CDH12: variants seen among roughly 807,000 people sequenced by gnomAD.
The protein encoded by CDH12 is cadherin-12.
CDH12 carries 41 observed loss-of-function variants against 74.1 expected under a neutral mutation model. That is an observed-to-expected ratio of 0.55 (90% CI 0.43 to 0.72). CDH12 has a LOEUF of 0.72. Among genes scored for constraint, CDH12 ranks in the 30% least tolerant of loss-of-function variants. The pLI is 0.00. For missense variants in CDH12, 945 were observed against 977.2 expected (o/e 0.97, Z 0.44); for synonymous variants, 399 against 355.0 (o/e 1.12, Z -1.39).
intron 1 of CDH12, among the ~76,000 whole-genome samples, chr5:22,558,575 G>A (rs748932941): frequency 2.0e-5 from 3 of 151,764 alleles, no homozygotes; most frequent in Non-Finnish European, 4.4e-5. Context: ...TAGGAAAGAG[G>A]CAACATAAAG....
At chr5:22,434,946 T>A (rs1205587159) in intron 2 of CDH12, among the ~76,000 whole-genome samples, 1 of 152,150 alleles carries the variant, frequency 6.6e-6, no homozygotes, top group Non-Finnish European at 1.5e-5. Context: ...ACATCTTGCT[T>A]CTAACCTCCA....
rs1744051915 is a variant in CDH12 at position 21,751,583 on chromosome 5, A to G, written c.*154T>C. On this transcript the variant is annotated 3_prime_UTR_variant, in exon 15 of 15. Coordinates refer to ENST00000382254, the MANE Select transcript of CDH12 (RefSeq NM_004061.5). ...TTAATTTAGTAACTTACTAGAAACC[A>G]GGTAATCAAAGGAATCTTGTCCCAG... The G allele has an allele frequency of 1.5e-6, 1 of 658,464 alleles. No homozygotes were observed. The highest frequency in any genetic ancestry group is 2.5e-6 in the Non-Finnish European group (1 of 393,388). The allele number at this position is 658,464 out of a possible 1,614,324, so 40.8% of individuals were successfully genotyped here.
At chr5:22,686,424 T>A (rs558831135) in intron 1 of CDH12, among the ~76,000 whole-genome samples, 3 of 152,326 alleles carry the variant, frequency 2.0e-5, no homozygotes, top group Admixed American at 2.0e-4. Context: ...TCATTTCATT[T>A]GGTGTCATGT....
At chr5:22,729,096 C>A (rs555024005) in intron 1 of CDH12, among the ~76,000 whole-genome samples, 1 of 151,728 alleles carries the variant, frequency 6.6e-6, no homozygotes, top group Non-Finnish European at 1.5e-5. Context: ...AACAATTGAT[C>A]CCAAACTTAG....
chr5:21,889,519 C>A, intron 6 of CDH12: 1 of 852,424 alleles, frequency 1.2e-6, no homozygotes, highest in Non-Finnish European at 1.4e-6. Context: ...TATTACCAAT[C>A]CAATGTTCTG....
chr5:21,798,106 ATCT>A (rs1229023556), intron 10 of CDH12, among the ~76,000 whole-genome samples: 1 of 152,102 alleles, frequency 6.6e-6, no homozygotes, highest in Admixed American at 6.6e-5. Context: ...TTCACCAGGC[ATCT>A]TCTACTTTTC....
At chr5:22,727,346 G>A (rs1744211791) in intron 1 of CDH12, among the ~76,000 whole-genome samples, 1 of 151,568 alleles carries the variant, frequency 6.6e-6, no homozygotes, top group Non-Finnish European at 1.5e-5. Context: ...AGATTGGGAG[G>A]ACAACCCTTT....
chr5:21,860,522 T>A lies in CDH12; in HGVS notation c.527-5732A>T, dbSNP rs903792095. Among the ~76,000 whole-genome samples the A allele has an allele frequency of 4.6e-5, 7 of 152,052 alleles. 1 individual carries two copies. Among genetic ancestry groups the A allele is most frequent in the Admixed American group, 4.6e-4 (7 of 15,232 alleles). The stretch of plus-strand genomic sequence containing the variant: ...TTTACTGGATGTGTCTGTGAGGTTG[T>A]TGCCAAAGGAGATTAACATTTGAGT... On this transcript the variant is annotated intron_variant, in intron 6 of 14. Transcript: ENST00000382254.
intron 3 of CDH12, among the ~76,000 whole-genome samples, chr5:22,308,170 C>T (rs1466130329): frequency 1.3e-5 from 2 of 151,920 alleles, no homozygotes; most frequent in Non-Finnish European, 1.5e-5. Flanking sequence ...GTGAGCCCCC[C>T]GCGCCTGGCC....
At chr5:22,612,022 T>C (rs1339048983) in intron 1 of CDH12, among the ~76,000 whole-genome samples, 2 of 152,198 alleles carry the variant, frequency 1.3e-5, no homozygotes, top group African/African-American at 4.8e-5. Context: ...TTCGGGCATA[T>C]TCAAAGATAA....
intron 3 of CDH12, among the ~76,000 whole-genome samples, chr5:22,345,342 T>C (rs1181338447): frequency 1.3e-5 from 2 of 152,218 alleles, no homozygotes; most frequent in African/African-American, 4.8e-5. Context: ...GTTGGTCCTT[T>C]TGAAATTTAA....
chr5:22,679,473 GA>G (rs1299144937), intron 1 of CDH12, among the ~76,000 whole-genome samples: 3 of 151,572 alleles, frequency 2.0e-5, no homozygotes, highest in Admixed American at 6.6e-5. Context: ...TAATTAGAAA[GA>G]AAAAAAATGC....
At chr5:22,666,537 A>G (rs546653112) in intron 1 of CDH12, among the ~76,000 whole-genome samples, 67 of 151,698 alleles carry the variant, frequency 4.4e-4, no homozygotes, top group African/African-American at 1.6e-3. Context: ...TGATCCGCCC[A>G]CCTCGGCCTC....
intron 13 of CDH12, among the ~76,000 whole-genome samples, chr5:21,758,435 T>G (rs547342714): frequency 1.1e-4 from 17 of 152,300 alleles, no homozygotes; most frequent in Non-Finnish European, 2.2e-4. Context: ...ATCCTCTGAT[T>G]CTATCATCAT....
chr5:21,917,213 AAG>A (rs1156744687), intron 6 of CDH12, among the ~76,000 whole-genome samples: 2 of 152,128 alleles, frequency 1.3e-5, no homozygotes, highest in Non-Finnish European at 1.5e-5. Context: ...TGGGGAGACA[AAG>A]ACAAGAGCTG....
chr5:22,529,668 A>T (rs1471122298), intron 1 of CDH12, among the ~76,000 whole-genome samples: 1 of 152,116 alleles, frequency 6.6e-6, no homozygotes, highest in East Asian at 1.9e-4. Context: ...GTTTAACTAA[A>T]TGTCTGGGCA....
At chr5:21,803,396 A>G (rs1747247654) in intron 9 of CDH12, among the ~76,000 whole-genome samples, 1 of 152,126 alleles carries the variant, frequency 6.6e-6, no homozygotes, top group African/African-American at 2.4e-5. Context: ...ACACATCATC[A>G]ATACACATTA....
intron 1 of CDH12, among the ~76,000 whole-genome samples, chr5:22,677,723 G>A (rs1480310070): frequency 6.6e-6 from 1 of 152,138 alleles, no homozygotes; most frequent in Non-Finnish European, 1.5e-5. Context: ...AAGGCTGCTT[G>A]TATAACTCTC....
At chr5:22,814,140 G>T (rs757982522) in intron 1 of CDH12, among the ~76,000 whole-genome samples, 7 of 151,976 alleles carry the variant, frequency 4.6e-5, no homozygotes, top group Non-Finnish European at 7.4e-5. Flanking sequence ...AAGTATATCT[G>T]GAAATGAAGA....
Sources: allele counts gnomAD v4.1 joint callset (sites outside exome capture counted in the v4.1 genomes callset), GRCh38; gene constraint gnomAD v4.1.1; transcripts MANE v1.5; gene names NCBI Gene and HGNC (gene_info 2026-07-23, HGNC 2026-07-21).